GNB1: variants seen among roughly 807,000 people sequenced by gnomAD.
The protein encoded by GNB1 is guanine nucleotide-binding protein G(I)/G(S)/G(T) subunit beta-1.
Under a neutral mutation model 42.9 loss-of-function variants are expected in GNB1, and 2 were observed. The observed-to-expected ratio is 0.05, with a 90% CI of 0.02 to 0.15. The LOEUF (loss-of-function observed/expected upper bound fraction) is 0.15. Among genes scored for constraint, GNB1 ranks in the 10% least tolerant of loss-of-function variants. The pLI, the probability that GNB1 is intolerant of heterozygous loss-of-function variation, is 1.00. For missense variants in GNB1, 193 were observed against 462.2 expected, an observed-to-expected ratio of 0.42 and a Z score of 5.34; for synonymous variants, 183 against 174.7, an observed-to-expected ratio of 1.05 and a Z score of -0.38.
chr1:1,870,293 G>A (rs1254782455), intron 1 of GNB1, among the ~76,000 whole-genome samples: 1 of 152,076 alleles, frequency 6.6e-6, no homozygotes, highest in Non-Finnish European at 1.5e-5. Context: ...TTCTGCCTCA[G>A]CCATCCCAGT....
At chr1:1,872,828 C>T (rs1404869175) in intron 1 of GNB1, among the ~76,000 whole-genome samples, 6 of 152,186 alleles carry the variant, frequency 3.9e-5, no homozygotes, top group Non-Finnish European at 7.3e-5. Flanking sequence ...GGTACTCAAC[C>T]ATCACCAAGC....
chr1:1,845,158 C>T (rs1359075825), intron 1 of GNB1, among the ~76,000 whole-genome samples: 1 of 151,990 alleles, frequency 6.6e-6, no homozygotes, highest in Non-Finnish European at 1.5e-5. Flanking sequence ...CACAACCAAC[C>T]AACCAAAAAA....
intron 1 of GNB1, among the ~76,000 whole-genome samples, chr1:1,841,332 G>A (rs1372884165): frequency 6.6e-6 from 1 of 152,142 alleles, no homozygotes; most frequent in Non-Finnish European, 1.5e-5. Context: ...GGGATTACAG[G>A]CACACGCCAT....
chr1:1,889,592 G>A (rs891834322), intron 1 of GNB1, among the ~76,000 whole-genome samples: 2 of 150,082 alleles, frequency 1.3e-5, no homozygotes, highest in African/African-American at 4.9e-5. Flanking sequence ...CGGGAGGATC[G>A]CTTGAGCCCC....
At chr1:1,789,718 G>A (rs1212606696) in intron 9 of GNB1, among the ~76,000 whole-genome samples, 1 of 151,528 alleles carries the variant, frequency 6.6e-6, no homozygotes. Context: ...AAAAGGGTGG[G>A]GGGATGGGGG....
chr1:1,878,968 G>A (rs1557949772), intron 1 of GNB1, among the ~76,000 whole-genome samples: 1 of 152,190 alleles, frequency 6.6e-6, no homozygotes, highest in Non-Finnish European at 1.5e-5. Context: ...TGCGACACTA[G>A]TGCTGAGAGT....
chr1:1,816,585 T>C (rs1557899486), intron 4 of GNB1, among the ~76,000 whole-genome samples: 1 of 151,932 alleles, frequency 6.6e-6, no homozygotes, highest in Non-Finnish European at 1.5e-5. Context: ...TCAGTAGAAG[T>C]AGGAATATAG....
intron 1 of GNB1, among the ~76,000 whole-genome samples, chr1:1,846,011 G>GTAC (rs1553200969): frequency 3.3e-5 from 5 of 151,410 alleles, no homozygotes; most frequent in Non-Finnish European, 7.4e-5. Flanking sequence ...CTCCCTCAAG[G>GTAC]TCTGGCACAG....
chr1:1,805,333 G>A (rs1275915573), intron 6 of GNB1, among the ~76,000 whole-genome samples: 1 of 150,494 alleles, frequency 6.6e-6, no homozygotes, highest in Non-Finnish European at 1.5e-5. Flanking sequence ...GGTGGTGGGC[G>A]CCTGTAATCC....
intron 1 of GNB1, among the ~76,000 whole-genome samples, chr1:1,877,141 A>G (rs901739423): frequency 2.0e-5 from 3 of 151,856 alleles, no homozygotes; most frequent in Non-Finnish European, 4.4e-5. Context: ...TCTCTACTAA[A>G]AATACAAAAT....
At chr1:1,848,583 G>GT (rs1349449443) in intron 1 of GNB1, among the ~76,000 whole-genome samples, 2 of 152,010 alleles carry the variant, frequency 1.3e-5, no homozygotes. Flanking sequence ...TCATTAAATA[G>GT]TAAATACATT....
intron 1 of GNB1, among the ~76,000 whole-genome samples, chr1:1,852,418 G>C (rs549730500): frequency 1.3e-5 from 2 of 152,040 alleles, no homozygotes; most frequent in Non-Finnish European, 2.9e-5. Context: ...TTTTAGTAGA[G>C]ACGGTGTTTC....
chr1:1,827,581 C>T (rs950367039), intron 2 of GNB1, among the ~76,000 whole-genome samples: 4 of 152,098 alleles, frequency 2.6e-5, no homozygotes, highest in Non-Finnish European at 5.9e-5. Context: ...TAAATCCTAG[C>T]GACTGTGATT....
At chr1:1,846,799 A>G (rs1380946656) in intron 1 of GNB1, among the ~76,000 whole-genome samples, 1 of 152,124 alleles carries the variant, frequency 6.6e-6, no homozygotes, top group East Asian at 1.9e-4. Flanking sequence ...GTCTCAAGCA[A>G]TCCTCCTCCC....
chr1:1,824,104 A>T (rs987069093), intron 3 of GNB1, among the ~76,000 whole-genome samples: 1 of 152,190 alleles, frequency 6.6e-6, no homozygotes, highest in African/African-American at 2.4e-5. Flanking sequence ...TTGACAGAGC[A>T]AACAAGAGTA....
chr1:1,802,409 T>A (rs996357649), intron 7 of GNB1, among the ~76,000 whole-genome samples: 4 of 152,178 alleles, frequency 2.6e-5, no homozygotes, highest in African/African-American at 9.7e-5. Flanking sequence ...ATTATACATC[T>A]AAATAACCTA....
At chr1:1,795,826 A>C (rs560139668) in intron 7 of GNB1, among the ~76,000 whole-genome samples, 2 of 152,308 alleles carry the variant, frequency 1.3e-5, no homozygotes, top group East Asian at 3.9e-4. Flanking sequence ...GCTGTAGTGA[A>C]GCTACACAGA....
At chr1:1,820,240 G>T (rs898006976) in intron 3 of GNB1, among the ~76,000 whole-genome samples, 2 of 150,944 alleles carry the variant, frequency 1.3e-5, no homozygotes, top group Non-Finnish European at 2.9e-5. Flanking sequence ...ACCTGTAATC[G>T]TAACTATTTG....
intron 2 of GNB1, among the ~76,000 whole-genome samples, chr1:1,832,609 T>A (rs1647092105): frequency 6.6e-6 from 1 of 152,230 alleles, no homozygotes; most frequent in African/African-American, 2.4e-5. Context: ...ATATTTGCAA[T>A]GCAATGTGCT....
Sources: gnomAD v4.1 joint callset for allele counts (sites outside exome capture counted in the v4.1 genomes callset) on GRCh38, gnomAD v4.1.1 for gene constraint, MANE v1.5 for transcripts, NCBI Gene and HGNC (gene_info 2026-07-23, HGNC 2026-07-21) for gene names.